The following GRIK2 variants were observed in gnomAD, a reference collection of about 807,000 sequenced individuals.
The protein encoded by GRIK2 is glutamate receptor ionotropic, kainate 2.
GRIK2 carries 32 observed loss-of-function variants against 100.3 expected under a neutral mutation model. The ratio of observed to expected loss-of-function variants is 0.32; its 90% CI spans 0.24 to 0.43. The LOEUF is 0.43. Among genes scored for constraint, GRIK2 ranks in the 20% least tolerant of loss-of-function variants. GRIK2 has a pLI of 1.00. For synonymous variants in GRIK2, 417 were observed against 389.4 expected (o/e 1.07, Z -0.83); for missense variants, 843 against 1,114.9 (o/e 0.76, Z 3.47).
At chr6:101,762,338 C>T (rs1053901648) in intron 7 of GRIK2, among the ~76,000 whole-genome samples, 1 of 151,924 alleles carries the variant, frequency 6.6e-6, no homozygotes, top group African/African-American at 2.4e-5. Flanking sequence ...TGAAGCCTGG[C>T]TAATTTTTTT....
At chr6:101,967,167 A>C (rs1002078363) in intron 14 of GRIK2, among the ~76,000 whole-genome samples, 1 of 151,934 alleles carries the variant, frequency 6.6e-6, no homozygotes, top group Non-Finnish European at 1.5e-5. Context: ...CTAGTATACA[A>C]ACTTTCAGGA....
intron 2 of GRIK2, among the ~76,000 whole-genome samples, chr6:101,593,137 C>CT (rs1778754249): frequency 6.6e-6 from 1 of 151,730 alleles, no homozygotes; most frequent in Admixed American, 6.6e-5. Context: ...TGATTGTGAT[C>CT]TAAGTAAGAA....
chr6:101,707,594 G>GTA (rs1193552049), intron 7 of GRIK2, among the ~76,000 whole-genome samples: 4 of 106,140 alleles, frequency 3.8e-5, no homozygotes, highest in East Asian at 3.1e-4. Flanking sequence ...GTGTGTGTGT[G>GTA]TATATATGTG....
chr6:101,911,095 C>T (rs1476837361), intron 12 of GRIK2, among the ~76,000 whole-genome samples: 2 of 151,224 alleles, frequency 1.3e-5, no homozygotes, highest in Non-Finnish European at 3.0e-5. Flanking sequence ...GTTGGGGATA[C>T]AGTAAACAAG....
chr6:101,967,722 A>G (rs561441067), intron 14 of GRIK2, among the ~76,000 whole-genome samples: 1 of 152,214 alleles, frequency 6.6e-6, no homozygotes, highest in South Asian at 2.1e-4. Flanking sequence ...GCAAACAGGT[A>G]AACAAACAAC....
intron 2 of GRIK2, among the ~76,000 whole-genome samples, chr6:101,477,672 T>C (rs1378691456): frequency 6.6e-6 from 1 of 152,198 alleles, no homozygotes; most frequent in African/African-American, 2.4e-5. Flanking sequence ...TTAGCCTTAA[T>C]AAAAATCTTT....
intron 7 of GRIK2, among the ~76,000 whole-genome samples, chr6:101,715,921 C>A (rs997822326): frequency 2.0e-5 from 3 of 151,692 alleles, no homozygotes; most frequent in African/African-American, 7.3e-5. Context: ...TGTGTTTTAA[C>A]AAAACTCTGT....
chr6:101,923,686 C>T (rs1351464749), intron 12 of GRIK2, among the ~76,000 whole-genome samples: 1 of 151,902 alleles, frequency 6.6e-6, no homozygotes, highest in Non-Finnish European at 1.5e-5. Context: ...TTTGGGAGGC[C>T]CAGGCAGGCG....
At chr6:101,661,279 G>A (rs1951291954) in intron 4 of GRIK2, among the ~76,000 whole-genome samples, 1 of 152,038 alleles carries the variant, frequency 6.6e-6, no homozygotes, top group Non-Finnish European at 1.5e-5. Flanking sequence ...CACTGTGAGG[G>A]GAAAATTGCC....
At chr6:101,506,581 A>AT (rs1227342986) in intron 2 of GRIK2, among the ~76,000 whole-genome samples, 1 of 152,178 alleles carries the variant, frequency 6.6e-6, no homozygotes, top group Non-Finnish European at 1.5e-5. Flanking sequence ...TGAAAATGAA[A>AT]TTAAAATGGT....
At chr6:101,876,233 T>C (rs976318949) in intron 11 of GRIK2, among the ~76,000 whole-genome samples, 2 of 151,864 alleles carry the variant, frequency 1.3e-5, no homozygotes, top group Non-Finnish European at 2.9e-5. Flanking sequence ...ACACATTTCA[T>C]ATAACCTAAC....
chr6:101,919,433 C>G (rs1789350633), intron 12 of GRIK2, among the ~76,000 whole-genome samples: 1 of 151,760 alleles, frequency 6.6e-6, no homozygotes, highest in African/African-American at 2.4e-5. Flanking sequence ...AGAAGTGACA[C>G]ATCAATTTAG....
At chr6:101,708,222 A>G (rs1773470574) in intron 7 of GRIK2, among the ~76,000 whole-genome samples, 2 of 151,772 alleles carry the variant, frequency 1.3e-5, no homozygotes, top group Non-Finnish European at 2.9e-5. Context: ...CATAAACTCT[A>G]CAATATAGAG....
chr6:101,423,603 G>A (rs1776531828), intron 2 of GRIK2, among the ~76,000 whole-genome samples: 1 of 152,138 alleles, frequency 6.6e-6, no homozygotes, highest in African/African-American at 2.4e-5. Context: ...CTTCTTTGGT[G>A]AAATGTCTAT....
chr6:102,057,309 A>G (rs151088709), intron 16 of GRIK2, among the ~76,000 whole-genome samples: 1 of 152,014 alleles, frequency 6.6e-6, no homozygotes, highest in African/African-American at 2.4e-5. Context: ...GCTTACCTCT[A>G]TGTGTCCCAT....
intron 4 of GRIK2, among the ~76,000 whole-genome samples, chr6:101,670,686 C>G (rs1440077169): frequency 6.6e-6 from 1 of 151,998 alleles, no homozygotes; most frequent in Non-Finnish European, 1.5e-5. Context: ...TTTTTTAATT[C>G]TAATGTTAGG....
At chr6:101,899,800 A>C (rs1787720038) in intron 12 of GRIK2, among the ~76,000 whole-genome samples, 1 of 152,162 alleles carries the variant, frequency 6.6e-6, no homozygotes, top group Non-Finnish European at 1.5e-5. Context: ...CTGTCATCTA[A>C]GTTGGTTCAG....
At chr6:101,944,917 CTTT>C (rs1791182455) in intron 14 of GRIK2, among the ~76,000 whole-genome samples, 1 of 151,806 alleles carries the variant, frequency 6.6e-6, no homozygotes, top group Admixed American at 6.6e-5. Flanking sequence ...TACAATTTTC[CTTT>C]GACTTCAGTG....
chr6:101,556,697 C>T (rs1425802753), intron 2 of GRIK2, among the ~76,000 whole-genome samples: 1 of 152,000 alleles, frequency 6.6e-6, no homozygotes, highest in Non-Finnish European at 1.5e-5. Flanking sequence ...TGTGAGATTG[C>T]TGCTGTTATT....
Sources: allele counts gnomAD v4.1 joint callset (sites outside exome capture counted in the v4.1 genomes callset), GRCh38; gene constraint gnomAD v4.1.1; transcripts MANE v1.5; gene names NCBI Gene and HGNC (gene_info 2026-07-23, HGNC 2026-07-21).